The following OR10R2 variants were observed in gnomAD, a reference collection of about 807,000 sequenced individuals.
OR10R2 encodes the protein olfactory receptor family 10 subfamily R member 2, also known as olfactory receptor 10R2.
Under a neutral mutation model 2.4 loss-of-function variants are expected in OR10R2, and 1 was observed. The observed-to-expected ratio is 0.41, with a 90% confidence interval of 0.15 to 1.95. The LOEUF (loss-of-function observed/expected upper bound fraction) is 1.95, where lower values mean the gene tolerates loss of function less well. OR10R2 is among the 30% of genes most tolerant of loss of function. OR10R2 has a pLI of 0.30. For missense variants in OR10R2, 419 were observed against 373.0 expected, an observed-to-expected ratio of 1.12 and a Z score of -1.01; for synonymous variants, 166 against 144.8, an observed-to-expected ratio of 1.15 and a Z score of -1.05.
exon 2 of OR10R2, chr1:158,480,322 C>A: frequency 6.2e-7 from 1 of 1,614,094 alleles, no homozygotes; most frequent in East Asian, 2.2e-5. Flanking sequence ...CATTTGTCAC[C>A]CTCTGCATTA....
At chr1:158,473,793 T>C (rs1656210282) in intron 1 of OR10R2, among the ~76,000 whole-genome samples, 1 of 33,986 alleles carries the variant, frequency 2.9e-5, no homozygotes, top group Non-Finnish European at 5.7e-5. Flanking sequence ...CTTCCCTCTT[T>C]CCCTCTCTGC....
At chr1:158,480,290 T>C in exon 2 of OR10R2, 1 of 1,614,152 alleles carries the variant, frequency 6.2e-7, no homozygotes, top group Non-Finnish European at 8.5e-7. Flanking sequence ...TTGGGTGTGA[T>C]GGGTTATGAT....
At chr1:158,480,618 G>C in exon 2 of OR10R2, 1 of 1,613,784 alleles carries the variant, frequency 6.2e-7, no homozygotes, top group Non-Finnish European at 8.5e-7. Context: ...CTATCCTGAA[G>C]ATTCCCTCAG....
chr1:158,476,660 T>C (rs1412632500), intron 1 of OR10R2, among the ~76,000 whole-genome samples: 1 of 152,182 alleles, frequency 6.6e-6, no homozygotes, highest in Non-Finnish European at 1.5e-5. Flanking sequence ...GTTTTAGTCT[T>C]TACAGTTTTT....
intron 1 of OR10R2, among the ~76,000 whole-genome samples, chr1:158,477,164 G>A (rs1466988477): frequency 6.6e-6 from 1 of 152,086 alleles, no homozygotes; most frequent in African/African-American, 2.4e-5. Flanking sequence ...ACCCTCAACA[G>A]ACTAGGCTTT....
chr1:158,479,679 G>A (rs549008660), intron 1 of OR10R2, among the ~76,000 whole-genome samples: 2 of 152,140 alleles, frequency 1.3e-5, no homozygotes, highest in East Asian at 3.9e-4. Flanking sequence ...TTATTCTGGT[G>A]GGCCCAAAGT....
At chr1:158,480,042 T>C in exon 2 of OR10R2, 1 of 1,614,082 alleles carries the variant, frequency 6.2e-7, no homozygotes, top group Non-Finnish European at 8.5e-7. Context: ...TTTTTCTGTA[T>C]CTAGTCATTC....
chr1:158,476,902 C>A (rs115233405), intron 1 of OR10R2, among the ~76,000 whole-genome samples: 291 of 152,056 alleles, frequency 1.9e-3, no homozygotes, highest in African/African-American at 6.6e-3. Context: ...CTGTTCATAT[C>A]CTTTGCACAT....
At chr1:158,476,047 A>G (rs1195250900) in intron 1 of OR10R2, among the ~76,000 whole-genome samples, 4 of 152,108 alleles carry the variant, frequency 2.6e-5, no homozygotes, top group African/African-American at 9.6e-5. Flanking sequence ...AAATTTAGCC[A>G]TATTTTCTAA....
intron 1 of OR10R2, among the ~76,000 whole-genome samples, chr1:158,479,681 G>A (rs567510049): frequency 2.0e-4 from 30 of 152,172 alleles, no homozygotes; most frequent in African/African-American, 7.2e-4. Flanking sequence ...ATTCTGGTGG[G>A]CCCAAAGTAA....
At chr1:158,480,432 C>G in exon 2 of OR10R2, 2 of 1,614,006 alleles carry the variant, frequency 1.2e-6, no homozygotes, top group Non-Finnish European at 1.7e-6. Flanking sequence ...TAGTTTTCAG[C>G]CTCCCTTTTT....
rs780370696 is a variant in OR10R2, at chr1:158,473,261, G to A, written c.27+909G>A. Among the ~76,000 whole-genome samples the A allele has an allele frequency of 4.6e-5, 7 of 152,148 alleles. No homozygotes were observed. In the East Asian group the frequency reaches 1.3e-3, roughly 29 times the overall value. On this transcript the variant is annotated intron_variant, in intron 1 of 1. Transcript: ENST00000641067. ...GTTAGAGAGATGTATATAAATGTTTGGTGCATGATACGGAAACTTTTGTCA... is the reference window on the plus strand; with the variant it reads ...GTTAGAGAGATGTATATAAATGTTTAGTGCATGATACGGAAACTTTTGTCA...
intron 1 of OR10R2, among the ~76,000 whole-genome samples, chr1:158,475,484 A>C (rs1419539748): frequency 6.6e-6 from 1 of 151,986 alleles, no homozygotes; most frequent in Non-Finnish European, 1.5e-5. Flanking sequence ...TTTGAAATAC[A>C]CTTCAAGTTA....
exon 2 of OR10R2, chr1:158,480,075 C>G: frequency 1.9e-6 from 3 of 1,613,884 alleles, no homozygotes; most frequent in Non-Finnish European, 2.5e-6. Flanking sequence ...TCACCATTAT[C>G]AGTGTCATCC....
chr1:158,477,158 T>G (rs932548444), intron 1 of OR10R2, among the ~76,000 whole-genome samples: 2 of 152,152 alleles, frequency 1.3e-5, no homozygotes, highest in African/African-American at 4.8e-5. Flanking sequence ...ATAAAAACCC[T>G]CAACAGACTA....
intron 1 of OR10R2, among the ~76,000 whole-genome samples, chr1:158,478,093 G>C (rs1335168479): frequency 6.6e-6 from 1 of 152,078 alleles, no homozygotes; most frequent in Non-Finnish European, 1.5e-5. Flanking sequence ...GGGAATAGCT[G>C]GCTAGCCATC....
intron 1 of OR10R2, among the ~76,000 whole-genome samples, chr1:158,473,786 CCCTCT>C (rs1656209580): frequency 1.2e-5 from 1 of 84,136 alleles, no homozygotes; most frequent in Non-Finnish European, 2.4e-5. Context: ...CTCCCTCCTT[CCCTCT>C]TTCCCTCTCT....
rs184913450 is a variant in OR10R2 at position 158,478,972 on chromosome 1, T to C, written c.28-966T>C. Among the ~76,000 whole-genome samples, 265 of 152,304 alleles carry C rather than the reference T, an allele frequency of 1.7e-3. 1 individual carries two copies. Among genetic ancestry groups the C allele is most frequent in the African/African-American group, 6.0e-3 (249 of 41,578 alleles). The stretch of plus-strand genomic sequence containing the variant: ...TATCTTCTTTTGTAAAATGTGTTTA[T>C]GGTTATTTTAATTATTATTACAAAT... On this transcript the variant is annotated intron_variant, in intron 1 of 1. Transcript: ENST00000641067.
chr1:158,472,331 C>T, exon 1 of OR10R2: 2 of 398,940 alleles, frequency 5.0e-6, no homozygotes, highest in East Asian at 3.6e-5. Context: ...GCACAATGAC[C>T]ACTGTTCTGG....
Sources: allele counts gnomAD v4.1 joint callset (sites outside exome capture counted in the v4.1 genomes callset), GRCh38; gene constraint gnomAD v4.1.1; transcripts MANE v1.5; gene names NCBI Gene and HGNC (gene_info 2026-07-23, HGNC 2026-07-21).